DOCK1: variants seen among roughly 807,000 people sequenced by gnomAD.
The protein encoded by DOCK1 is dedicator of cytokinesis 1.
Under a neutral mutation model 262.7 loss-of-function variants are expected in DOCK1, and 138 were observed. That is an observed-to-expected ratio of 0.53 (90% CI 0.46 to 0.61). The LOEUF (loss-of-function observed/expected upper bound fraction) is 0.61. Among genes scored for constraint, DOCK1 ranks in the 20% least tolerant of loss-of-function variants. The pLI, the probability that DOCK1 is intolerant of heterozygous loss-of-function variation, is 0.00. For synonymous variants in DOCK1, 866 were observed against 867.4 expected, an observed-to-expected ratio of 1.00 and a Z score of 0.03; for missense variants, 1,908 against 2,370.7, an observed-to-expected ratio of 0.80 and a Z score of 4.05.
intron 27 of DOCK1, among the ~76,000 whole-genome samples, chr10:127,153,518 C>T (rs747507158): frequency 2.0e-5 from 3 of 152,184 alleles, no homozygotes; most frequent in Non-Finnish European, 2.9e-5. Flanking sequence ...GATCTATACC[C>T]TCTGAAGGGC....
intron 29 of DOCK1, among the ~76,000 whole-genome samples, chr10:127,291,151 C>T (rs1590297644): frequency 6.6e-6 from 1 of 152,168 alleles, no homozygotes; most frequent in Non-Finnish European, 1.5e-5. Flanking sequence ...TCACTTCCAG[C>T]CCTCTCACTT....
chr10:126,946,977 T>A, intron 1 of DOCK1, among the ~76,000 whole-genome samples: 1 of 152,338 alleles, frequency 6.6e-6, no homozygotes, highest in South Asian at 2.1e-4. Context: ...GCAGTGAGAA[T>A]GCAGGTCTGA....
intron 6 of DOCK1, among the ~76,000 whole-genome samples, chr10:126,991,805 A>C (rs1415052325): frequency 6.6e-6 from 1 of 152,210 alleles, no homozygotes; most frequent in African/African-American, 2.4e-5. Context: ...CCAGGATTAC[A>C]TGCGAGAGCC....
chr10:127,134,581 G>T (rs2050535409), intron 27 of DOCK1, among the ~76,000 whole-genome samples: 1 of 152,170 alleles, frequency 6.6e-6, no homozygotes, highest in Non-Finnish European at 1.5e-5. Flanking sequence ...ACCCTTCATT[G>T]TATCTGGGTG....
In DOCK1 at chr10:126,948,327, T is replaced by TGGTGG. The variant is rs2035766381; in HGVS notation, c.47-22375_47-22374insGGTGG. Reference sequence around the variant, plus strand: ...TTACTGTTGGTGGTGATGGTGGTGGTTGGTAGTATTACTGTTGGTGGTGAT... The same window carrying TGGTGG: ...TTACTGTTGGTGGTGATGGTGGTGGTGGTGGTGGTAGTATTACTGTTGGTGGTGAT... On this transcript the variant is annotated intron_variant, in intron 1 of 51. Coordinates refer to ENST00000623213, the MANE Select transcript of DOCK1 (RefSeq NM_001290223.2). 1.2e-4 allele frequency among the ~76,000 whole-genome samples: 2 copies of TGGTGG among 16,278 alleles called. 1 individual carries two copies. The highest frequency in any genetic ancestry group is 6.5e-4 in the African/African-American group (2 of 3,076). The allele number at this position is 16,278 out of a possible 152,430, so 10.7% of individuals were successfully genotyped here. A position where few individuals can be genotyped will look rare whatever the true frequency, so the allele number is the denominator to read the frequency against.
At position 127,283,509 on chromosome 10, in the gene DOCK1, A is replaced by G. The variant is rs1003183604; in HGVS notation, c.3044+26080A>G. Among the ~76,000 whole-genome samples, 10 of 152,256 alleles carry G rather than the reference A, an allele frequency of 6.6e-5. 1 individual carries two copies. The highest frequency in any genetic ancestry group is 2.4e-4 in the African/African-American group (10 of 41,470). On this transcript the variant is annotated intron_variant, in intron 29 of 51. Transcript: ENST00000623213. ...TATAGAAGGAATAAAGCCATCCTAT[A>G]TCTTCTCTGAAAAATGAAGGAGTGA...
At chr10:127,366,362 C>T (rs1257896408) in intron 33 of DOCK1, among the ~76,000 whole-genome samples, 1 of 152,160 alleles carries the variant, frequency 6.6e-6, no homozygotes, top group Non-Finnish European at 1.5e-5. Context: ...AAGCCTGCAG[C>T]ATCATCCCCT....
intron 22 of DOCK1, among the ~76,000 whole-genome samples, chr10:127,057,493 A>G (rs2135784944): frequency 6.6e-6 from 1 of 152,296 alleles, no homozygotes; most frequent in Non-Finnish European, 1.5e-5. Flanking sequence ...GCAGTCTCAT[A>G]TTTTTTGTTT....
At chr10:126,940,819 C>T (rs2134247901) in intron 1 of DOCK1, among the ~76,000 whole-genome samples, 1 of 152,298 alleles carries the variant, frequency 6.6e-6, no homozygotes, top group East Asian at 1.9e-4. Flanking sequence ...CTTGTATTGA[C>T]AAGAACTGGA....
At position 127,197,275 on chromosome 10, in the gene DOCK1, C is replaced by G. The variant is rs141608901; in HGVS notation, c.2848-50733C>G. ...ATCCAGAGCACACACCACCCGTCAG[C>G]AGAAGCCACAGGGCGCAGAGGCTGA... On this transcript the variant is annotated intron_variant, in intron 27 of 51. Coordinates refer to ENST00000623213, the MANE Select transcript of DOCK1 (RefSeq NM_001290223.2). 7.5e-3 allele frequency among the ~76,000 whole-genome samples: 1,150 copies of G among 152,334 alleles called. 7 individuals carry two copies. Among genetic ancestry groups the G allele is most frequent in the African/African-American group, 0.017 (693 of 41,588 alleles).
chr10:126,953,083 A>G (rs1019577123), intron 1 of DOCK1, among the ~76,000 whole-genome samples: 1 of 147,086 alleles, frequency 6.8e-6, no homozygotes, highest in Non-Finnish European at 1.5e-5. Flanking sequence ...TAGTGGTGGT[A>G]GTATTTTGGT....
At chr10:127,156,549 TCTTCTTC>T (rs1564849307) in intron 27 of DOCK1, among the ~76,000 whole-genome samples, 1 of 93,154 alleles carries the variant, frequency 1.1e-5, no homozygotes, top group African/African-American at 3.9e-5. Flanking sequence ...TTCTTCTTCT[TCTTCTTC>T]TTCTTCTTTT....
At chr10:127,133,800 C>T (rs1357326379) in intron 27 of DOCK1, among the ~76,000 whole-genome samples, 1 of 152,352 alleles carries the variant, frequency 6.6e-6, no homozygotes, top group Admixed American at 6.5e-5. Flanking sequence ...AGCATGATGA[C>T]TTTATGCCAG....
chr10:126,921,809 G>T (rs2033228627), intron 1 of DOCK1, among the ~76,000 whole-genome samples: 1 of 152,054 alleles, frequency 6.6e-6, no homozygotes, highest in African/African-American at 2.4e-5. Flanking sequence ...TGCACCACCT[G>T]CCTGGTTAAT....
chr10:127,305,584 T>G lies in DOCK1; in HGVS notation c.3045-33422T>G, dbSNP rs2061843735. On this transcript the variant is annotated intron_variant, in intron 29 of 51. Transcript: ENST00000623213. ...CTGGGAACAGTAAAGAAATGAGATG[T>G]GCCCTCAGGGAGCTCAGACAAGGAG... is the stretch of plus-strand genomic sequence containing the variant. Among the ~76,000 whole-genome samples, 3 of 152,096 alleles carry G rather than the reference T, an allele frequency of 2.0e-5. No individual in the cohort carries two copies. The South Asian group carries it at 6.2e-4, about 32-fold the overall frequency.
At chr10:126,926,826 C>T (rs1286474548) in intron 1 of DOCK1, among the ~76,000 whole-genome samples, 1 of 151,730 alleles carries the variant, frequency 6.6e-6, no homozygotes, top group Non-Finnish European at 1.5e-5. Context: ...AAGTCTCCCC[C>T]AGAGGGTTTG....
At chr10:127,096,329 G>C (rs1315262368) in intron 23 of DOCK1, among the ~76,000 whole-genome samples, 1 of 152,066 alleles carries the variant, frequency 6.6e-6, no homozygotes, top group African/African-American at 2.4e-5. Flanking sequence ...ACTGGTCTTG[G>C]TGCATTTTCC....
chr10:127,439,383 C>G (rs2069921857), intron 49 of DOCK1, 158 bp downstream of exon 49: 1 of 731,902 alleles, frequency 1.4e-6, no homozygotes, highest in South Asian at 1.9e-5. Context: ...CTCAAATGTC[C>G]CAAGGCAGTA....
rs2041498024 is a variant in DOCK1, at chr10:127,012,085, C to T, written c.1059-147C>T. 1 of 612,910 alleles carries T rather than the reference C, an allele frequency of 1.6e-6. No homozygotes were observed. The allele number at this position is 612,910 out of a possible 1,614,324, so 38.0% of individuals were successfully genotyped here. A position where few individuals can be genotyped will look rare whatever the true frequency, so the allele number is the denominator to read the frequency against. On this transcript the variant is annotated intron_variant, in intron 11 of 51. Transcript: ENST00000623213. The surrounding 1 kb of genome is among the most constrained non-coding windows in gnomAD (Gnocchi z 4.0). ...ATGCTTTTCCCTGTTTCTCTTGTCACCTCTCCCATCCTTTGTCGTGCGTTG... is the reference window on the plus strand; with the variant it reads ...ATGCTTTTCCCTGTTTCTCTTGTCATCTCTCCCATCCTTTGTCGTGCGTTG...
Sources: gnomAD v4.1 joint callset for allele counts (sites outside exome capture counted in the v4.1 genomes callset) on GRCh38, gnomAD v4.1.1 for gene constraint, Gnocchi (gnomAD v3.1) non-coding constraint, MANE v1.5 for transcripts, NCBI Gene and HGNC (gene_info 2026-07-23, HGNC 2026-07-21) for gene names.